The following FOCAD variants were observed in gnomAD, a reference collection of about 807,000 sequenced individuals.
FOCAD encodes KIAA1797.
Under a neutral mutation model 225.6 loss-of-function variants are expected in FOCAD, and 198 were observed. The ratio of observed to expected loss-of-function variants is 0.88; its 90% CI spans 0.78 to 0.99. FOCAD has a LOEUF of 0.99. FOCAD is among the 50% of genes least tolerant of loss of function. FOCAD has a pLI of 0.00. For synonymous variants in FOCAD, 897 were observed against 755.0 expected (o/e 1.19, Z -3.08); for missense variants, 2,713 against 2,123.6 (o/e 1.28, Z -5.46).
chr9:20,750,528 A>C (rs1303947680), intron 5 of FOCAD, among the ~76,000 whole-genome samples: 2 of 152,222 alleles, frequency 1.3e-5, no homozygotes, highest in Admixed American at 6.5e-5. Flanking sequence ...ACAACAACAA[A>C]AAATGCACAC....
chr9:20,820,969 T>G lies in FOCAD; in HGVS notation c.1691T>G (p.Phe564Cys). The G allele has an allele frequency of 1.2e-6, 2 of 1,612,742 alleles. No homozygotes were observed. Among genetic ancestry groups the G allele is most frequent in the Non-Finnish European group, 1.7e-6 (2 of 1,179,110 alleles). Residue 564 changes from phenylalanine (F) to cysteine (C), a missense_variant, in exon 14 of 44, where the codon TTC becomes TGC. Phe to Cys is a radical substitution (Grantham distance 205, BLOSUM62 -2). Transcript: ENST00000338382. ...QDRVYPELQR[F>C]MAVSDVPSLS... is the part of the protein sequence containing the mutation. ...CGAGTCTATCCTGAACTGCAGCGTTTCATGGCTGTGTCTGATGTACCTTCT... is the reference window on the plus strand; with the variant it reads ...CGAGTCTATCCTGAACTGCAGCGTTGCATGGCTGTGTCTGATGTACCTTCT...
intron 29 of FOCAD, among the ~76,000 whole-genome samples, chr9:20,945,900 T>A (rs572632885): frequency 6.6e-6 from 1 of 152,064 alleles, no homozygotes; most frequent in East Asian, 1.9e-4. Context: ...ATAAGGGAGG[T>A]TTTTTATCAC....
chr9:20,953,197 A>G, intron 35 of FOCAD, 132 bp downstream of exon 35: 1 of 666,782 alleles, frequency 1.5e-6, no homozygotes. Context: ...CGTCTGCTAA[A>G]CCATCTTTGC....
intron 28 of FOCAD, among the ~76,000 whole-genome samples, chr9:20,937,507 G>A (rs959233418): frequency 4.0e-5 from 6 of 151,668 alleles, no homozygotes; most frequent in African/African-American, 1.4e-4. Flanking sequence ...AAATGGTGCT[G>A]GGAAAACTGG....
intron 8 of FOCAD, among the ~76,000 whole-genome samples, chr9:20,774,853 A>G (rs1437418426): frequency 6.6e-6 from 1 of 152,198 alleles, no homozygotes; most frequent in Non-Finnish European, 1.5e-5. Context: ...AGGAAATAAC[A>G]ATTAGTAGAA....
chr9:20,665,843 C>CTACTA, intron 2 of FOCAD, among the ~76,000 whole-genome samples: 1 of 151,934 alleles, frequency 6.6e-6, no homozygotes, highest in East Asian at 1.9e-4. Flanking sequence ...CCAGCCTGGC[C>CTACTA]AACATGGTGA....
In FOCAD at chr9:20,770,082, A is replaced by G. The variant is rs770449668; in HGVS notation, c.750A>G (p.Val250=). ...AGGCGATGATGTTTATTGAGGAAGT[A>G]TGTTTAAGCCTTTTGCGTCATCCTG... is the stretch of plus-strand genomic sequence containing the variant. ...TTEAMMFIEE[V]CLSLLRHPVF... Residue 250 remains valine, a synonymous_variant, in exon 8 of 44, where the codon GTA becomes GTG. Coordinates refer to ENST00000338382, the MANE Select transcript of FOCAD (RefSeq NM_001375567.1). 210 of 1,613,980 alleles carry G rather than the reference A, an allele frequency of 1.3e-4. 2 individuals are homozygous for G. The East Asian group carries it at 4.1e-3, about 31-fold the overall frequency.
intron 21 of FOCAD, among the ~76,000 whole-genome samples, chr9:20,896,783 A>G (rs769664531): frequency 1.3e-5 from 2 of 151,708 alleles, no homozygotes; most frequent in African/African-American, 2.4e-5. Flanking sequence ...GGTTCTTTTA[A>G]ATTTGTTAAG....
chr9:20,804,658 A>G (rs551979221), intron 11 of FOCAD, among the ~76,000 whole-genome samples: 1 of 152,308 alleles, frequency 6.6e-6, no homozygotes, highest in African/African-American at 2.4e-5. Flanking sequence ...TCAGGGGGAA[A>G]AATTAAATCG....
In FOCAD at chr9:20,947,160, C is replaced by A. The variant is rs75699451; in HGVS notation, c.3675+340C>A. 6.7e-3 allele frequency among the ~76,000 whole-genome samples: 1,014 copies of A among 151,946 alleles called. 13 individuals are homozygous for A. The highest frequency in any genetic ancestry group is 0.023 in the African/African-American group (954 of 41,438). On this transcript the variant is annotated intron_variant, in intron 30 of 43. Coordinates refer to ENST00000338382, the MANE Select transcript of FOCAD (RefSeq NM_001375567.1). ...TAAAGTTAGAAACAAAAATTTGTGA[C>A]GATATGAATACATAGAAGTCTCTGA...
chr9:20,909,947 G>T (rs539867782), intron 22 of FOCAD, among the ~76,000 whole-genome samples: 1 of 152,082 alleles, frequency 6.6e-6, no homozygotes, highest in Admixed American at 6.6e-5. Flanking sequence ...TCATTTAGAG[G>T]TGCCATGTTT....
rs549958852 is a variant in FOCAD at position 20,756,490 on chromosome 9, A to G, written c.393-1600A>G. 2.0e-5 allele frequency among the ~76,000 whole-genome samples: 3 copies of G among 152,338 alleles called. No individual in the cohort carries two copies. The South Asian group carries it at 6.2e-4, about 32-fold the overall frequency. The stretch of plus-strand genomic sequence containing the variant: ...TAGCAGTTCTGAATCCTGGTAACAT[A>G]TTAAAATTACCTGTAGAATTTTAAA... On this transcript the variant is annotated intron_variant, in intron 5 of 43. Transcript: ENST00000338382.
At chr9:20,993,418 A>G in intron 43 of FOCAD, 90 bp downstream of exon 43, 2 of 1,081,682 alleles carry the variant, frequency 1.8e-6, no homozygotes, top group Non-Finnish European at 2.8e-6. Context: ...TTGCAGGTTG[A>G]GTATCTCTTA....
rs1830094138 is a variant in FOCAD, at chr9:20,874,788, T to TC, written c.2303dup (p.Leu769PhefsTer54). ...GCTATCTCAAACTGTTGTCACTCACTCCCCCTTTGGTTTTACCAGGTGACT... is the reference window on the plus strand; with the variant it reads ...GCTATCTCAAACTGTTGTCACTCACTCCCCCCTTTGGTTTTACCAGGTGACT... On this transcript the variant is annotated frameshift_variant, in exon 19 of 44. Coordinates refer to ENST00000338382, the MANE Select transcript of FOCAD (RefSeq NM_001375567.1). LOFTEE classifies it high-confidence loss of function. The TC allele has an allele frequency of 6.2e-7, 1 of 1,613,378 alleles. No individual in the cohort carries two copies. The highest frequency in any genetic ancestry group is 1.3e-5 in the African/African-American group (1 of 74,868).
intron 15 of FOCAD, among the ~76,000 whole-genome samples, chr9:20,829,310 C>T (rs970655714): frequency 6.6e-6 from 1 of 151,948 alleles, no homozygotes; most frequent in Non-Finnish European, 1.5e-5. Flanking sequence ...ATTTCTTGAC[C>T]TTTTAATAAT....
At chr9:20,920,155 G>C (rs1414452788) in intron 24 of FOCAD, among the ~76,000 whole-genome samples, 5 of 152,270 alleles carry the variant, frequency 3.3e-5, no homozygotes, top group East Asian at 3.9e-4. Context: ...GGGCGAAGGA[G>C]ATGAACAGAC....
intron 1 of FOCAD, among the ~76,000 whole-genome samples, chr9:20,703,377 G>C (rs1341875464): frequency 6.6e-6 from 1 of 152,118 alleles, no homozygotes; most frequent in Non-Finnish European, 1.5e-5. Context: ...TGTGGCTGAA[G>C]TGCCCTGACT....
At chr9:20,838,263 C>T (rs945425616) in intron 15 of FOCAD, among the ~76,000 whole-genome samples, 2 of 151,336 alleles carry the variant, frequency 1.3e-5, no homozygotes, top group African/African-American at 4.9e-5. Context: ...GACATTATAC[C>T]ACATAGGTCT....
chr9:20,976,334 T>C, intron 35 of FOCAD, 86 bp from the exon 36 acceptor site: 1 of 1,305,028 alleles, frequency 7.7e-7, no homozygotes, highest in Non-Finnish European at 1.1e-6. Context: ...CCTTTGATGC[T>C]AGAAGGAAAG....
Sources: gnomAD v4.1 joint callset for allele counts (sites outside exome capture counted in the v4.1 genomes callset) on GRCh38, gnomAD v4.1.1 for gene constraint, MANE v1.5 for transcripts, NCBI Gene and HGNC (gene_info 2026-07-23, HGNC 2026-07-21) for gene names.